PTPRK: variants seen among roughly 807,000 people sequenced by gnomAD.
The protein encoded by PTPRK is receptor-type tyrosine-protein phosphatase kappa.
A neutral mutation model predicts 178.0 loss-of-function variants in PTPRK; 75 were observed. The observed-to-expected ratio is 0.42, with a 90% CI of 0.35 to 0.51. The LOEUF (loss-of-function observed/expected upper bound fraction) is 0.51, where lower values mean the gene tolerates loss of function less well. Ranked by LOEUF, PTPRK falls within the 20% of genes least tolerant of loss-of-function variation. The pLI is 0.02. For synonymous variants in PTPRK, 637 were observed against 620.6 expected (o/e 1.03, Z -0.39); for missense variants, 1,441 against 1,797.8 (o/e 0.80, Z 3.59).
At chr6:128,400,522 CA>C (rs1213235476) in intron 1 of PTPRK, among the ~76,000 whole-genome samples, 1 of 151,830 alleles carries the variant, frequency 6.6e-6, no homozygotes, top group Non-Finnish European at 1.5e-5. Flanking sequence ...AGATTTTATC[CA>C]AGAGTATGAG....
chr6:128,431,715 AC>A (rs1367770771), intron 1 of PTPRK, among the ~76,000 whole-genome samples: 3 of 152,200 alleles, frequency 2.0e-5, no homozygotes, highest in Non-Finnish European at 2.9e-5. Context: ...ATGGTCTTTT[AC>A]AAAACCTCCT....
At chr6:128,492,440 A>G (rs1297435035) in intron 1 of PTPRK, among the ~76,000 whole-genome samples, 1 of 152,198 alleles carries the variant, frequency 6.6e-6, no homozygotes, top group Non-Finnish European at 1.5e-5. Context: ...CTTGTAGCCT[A>G]ACTATCCAAA....
intron 10 of PTPRK, among the ~76,000 whole-genome samples, chr6:128,080,602 T>C (rs1452577486): frequency 2.6e-5 from 4 of 152,052 alleles, no homozygotes; most frequent in African/African-American, 9.7e-5. Context: ...ATGTAGTATG[T>C]ATGTGTGTAT....
intron 13 of PTPRK, among the ~76,000 whole-genome samples, chr6:128,055,509 T>C (rs969970173): frequency 6.6e-6 from 1 of 152,202 alleles, no homozygotes; most frequent in Non-Finnish European, 1.5e-5. Context: ...TTTATACATT[T>C]TTTTTCTATC....
intron 2 of PTPRK, among the ~76,000 whole-genome samples, chr6:128,354,992 C>T (rs1253422508): frequency 6.6e-6 from 1 of 152,184 alleles, no homozygotes; most frequent in African/African-American, 2.4e-5. Context: ...AACCAGAACT[C>T]AACTAGTAAA....
intron 14 of PTPRK, chr6:128,006,023 T>C (rs1258416412): frequency 1.3e-6 from 2 of 1,560,646 alleles, no homozygotes; most frequent in South Asian, 1.2e-5. Flanking sequence ...ATTTTCTACT[T>C]ACAGGTAGTA....
intron 3 of PTPRK, among the ~76,000 whole-genome samples, chr6:128,292,165 C>T (rs1056615950): frequency 3.3e-5 from 5 of 151,738 alleles, no homozygotes; most frequent in Admixed American, 3.3e-4. Flanking sequence ...ATTGAGGATA[C>T]CCAAAGAAAA....
chr6:127,992,888 A>G (rs1231452351), intron 18 of PTPRK, among the ~76,000 whole-genome samples, 179 bp from the exon 19 acceptor site: 1 of 151,684 alleles, frequency 6.6e-6, no homozygotes, highest in Non-Finnish European at 1.5e-5. Flanking sequence ...GTAAACATAA[A>G]ACAAAAATTA....
intron 1 of PTPRK, among the ~76,000 whole-genome samples, chr6:128,480,003 C>G (rs533471483): frequency 6.6e-6 from 1 of 152,268 alleles, no homozygotes; most frequent in South Asian, 2.1e-4. Flanking sequence ...CTTTGCCTTT[C>G]CCATTTCTCT....
At chr6:127,981,349 A>C in intron 24 of PTPRK, 60 bp from the exon 25 acceptor site, 4 of 1,413,574 alleles carry the variant, frequency 2.8e-6, no homozygotes, top group South Asian at 2.7e-5. Context: ...AGTATAACAC[A>C]GATCCATCAG....
At chr6:128,262,401 G>A (rs892164883) in intron 3 of PTPRK, among the ~76,000 whole-genome samples, 4 of 152,098 alleles carry the variant, frequency 2.6e-5, no homozygotes, top group Admixed American at 6.6e-5. Context: ...TTCAATATCT[G>A]TTATCTTATC....
chr6:128,489,222 AAG>A lies in PTPRK; in HGVS notation c.100+31035_100+31036del, dbSNP rs574855324. Reference sequence around the variant, plus strand: ...CAGGTATTAAATAAAGTAACATATAAAGAGAAATATTTTATTTTGAATAAGGA... The same window carrying A: ...CAGGTATTAAATAAAGTAACATATAAAGAAATATTTTATTTTGAATAAGGA... On this transcript the variant is annotated intron_variant, in intron 1 of 29. Transcript: ENST00000368226. 8.2e-4 allele frequency among the ~76,000 whole-genome samples: 125 copies of A among 152,356 alleles called. 1 individual carries two copies. The South Asian group carries it at 0.024, about 29-fold the overall frequency.
At chr6:128,496,174 A>T (rs766365438) in intron 1 of PTPRK, among the ~76,000 whole-genome samples, 12 of 152,218 alleles carry the variant, frequency 7.9e-5, no homozygotes, top group South Asian at 6.2e-4. Flanking sequence ...GGTGCTCAAT[A>T]TACAGCTGAA....
chr6:128,304,955 G>A (rs1826158655), intron 3 of PTPRK, among the ~76,000 whole-genome samples: 1 of 152,164 alleles, frequency 6.6e-6, no homozygotes, highest in Non-Finnish European at 1.5e-5. Flanking sequence ...TCAAAAAGCA[G>A]TGGCAAATGG....
chr6:128,091,979 T>C (rs563082934), intron 7 of PTPRK, among the ~76,000 whole-genome samples: 3 of 152,354 alleles, frequency 2.0e-5, no homozygotes, highest in Non-Finnish European at 4.4e-5. Flanking sequence ...TTATCTGTTA[T>C]GCAGAAAATG....
intron 13 of PTPRK, among the ~76,000 whole-genome samples, chr6:128,054,274 T>C (rs1022190652): frequency 3.9e-5 from 6 of 152,220 alleles, no homozygotes; most frequent in Admixed American, 2.6e-4. Context: ...GTCAAAATAA[T>C]GTCCATCTTG....
intron 7 of PTPRK, among the ~76,000 whole-genome samples, chr6:128,175,789 G>A (rs972598181): frequency 3.3e-5 from 5 of 151,642 alleles, no homozygotes; most frequent in Admixed American, 1.3e-4. Context: ...ATTTGGGTAC[G>A]TAAGCTCTAT....
intron 5 of PTPRK, among the ~76,000 whole-genome samples, chr6:128,225,733 T>C (rs1015370693): frequency 1.3e-5 from 2 of 152,156 alleles, no homozygotes; most frequent in African/African-American, 2.4e-5. Flanking sequence ...TTTATGGCCA[T>C]AGAAATTATT....
At chr6:127,973,564 T>A (rs35469349) in intron 28 of PTPRK, 100 bp downstream of exon 28, 338,870 of 1,352,532 alleles carry the variant, frequency 0.25, 45,815 homozygotes, top group Non-Finnish European at 0.28. Context: ...ATAACATCTA[T>A]GGGAGGTCCA....
Sources: gnomAD v4.1 joint callset for allele counts (sites outside exome capture counted in the v4.1 genomes callset) on GRCh38, gnomAD v4.1.1 for gene constraint, MANE v1.5 for transcripts, NCBI Gene and HGNC (gene_info 2026-07-23, HGNC 2026-07-21) for gene names.